Variants in THRAP3 observed in about 807,000 individuals in gnomAD.
THRAP3 encodes thyroid hormone receptor associated protein 3, also known as thyroid hormone receptor-associated protein 3.
In THRAP3, 16 loss-of-function variants were observed where a neutral mutation model predicts 101.0. The observed-to-expected ratio is 0.16, with a 90% confidence interval of 0.11 to 0.24. THRAP3 has a LOEUF of 0.24. THRAP3 is among the 10% of genes least tolerant of loss of function. The pLI, the probability that THRAP3 is intolerant of heterozygous loss-of-function variation, is 1.00. For missense variants in THRAP3, 989 were observed against 1,202.7 expected (o/e 0.82, Z 2.63); for synonymous variants, 407 against 422.6 (o/e 0.96, Z 0.45).
chr1:36,234,329 A>G (rs1645061547), intron 1 of THRAP3, among the ~76,000 whole-genome samples: 1 of 152,242 alleles, frequency 6.6e-6, no homozygotes, highest in South Asian at 2.1e-4. Flanking sequence ...ACATTTTGTG[A>G]AAGCCCTGGT....
At position 36,286,667 on chromosome 1, in the gene THRAP3, C is replaced by T. The variant is rs1645799032; in HGVS notation, c.437C>T (p.Ser146Phe). 1 of 1,614,204 alleles carries T rather than the reference C, an allele frequency of 6.2e-7. No individual in the cohort carries two copies. Among genetic ancestry groups the T allele is most frequent in the Non-Finnish European group, 8.5e-7 (1 of 1,180,034 alleles). Reference sequence around the variant, plus strand: ...AGGTCCAGGAGCCATTCTAGAAACTCTGATAAGTCGTCTTCTGACCGGTCA... The same window carrying T: ...AGGTCCAGGAGCCATTCTAGAAACTTTGATAAGTCGTCTTCTGACCGGTCA... ...SPRSRSHSRN[S>F]DKSSSDRSRR... Residue 146 changes from serine to phenylalanine, a missense_variant, in exon 4 of 12, where the codon TCT becomes TTT. By Grantham distance (155) the Ser-to-Phe change is radical. Transcript: ENST00000354618. The surrounding 1 kb of genome is among the most constrained non-coding windows in gnomAD (Gnocchi z 5.5).
At chr1:36,241,984 C>A in intron 1 of THRAP3, 1 of 172,318 alleles carries the variant, frequency 5.8e-6, no homozygotes. Context: ...GTAAGTAGAA[C>A]TTTAATGTTG....
rs966342365 is a variant in THRAP3 at position 36,304,743 on chromosome 1, G to C, written c.*726G>C. ...TGAGCCCTATTTCCTGATTTCTTCT[G>C]GGCTGGACTTCCCCGTTCTCCACCA... On this transcript the variant is annotated 3_prime_UTR_variant, in exon 12 of 12. Transcript: ENST00000354618. The C allele has an allele frequency of 7.9e-5, 17 of 215,280 alleles. 1 individual carries two copies. Among genetic ancestry groups the C allele is most frequent in the Admixed American group, 7.6e-4 (13 of 17,146 alleles). The allele number at this position is 215,280 out of a possible 1,614,324, so 13.3% of individuals were successfully genotyped here.
intron 4 of THRAP3, chr1:36,288,253 A>G (rs934873811): frequency 1.3e-6 from 1 of 749,932 alleles, no homozygotes; most frequent in African/African-American, 1.9e-5. Flanking sequence ...TGGTGCACCC[A>G]TCACCTGAGC....
chr1:36,289,165 C>A lies in THRAP3; in HGVS notation c.1146C>A (p.Gly382=). The A allele has an allele frequency of 6.2e-7, 1 of 1,613,972 alleles. No individual in the cohort carries two copies. The highest frequency in any genetic ancestry group is 8.5e-7 in the Non-Finnish European group (1 of 1,180,018). The part of the protein sequence containing the change: ...IKEKGSFSDT[G]LGDGKMKSDS... ...AGAAAGGGAGCTTCTCTGACACAGGCTTGGGTGATGGAAAAATGAAATCTG... is the reference window on the plus strand; with the variant it reads ...AGAAAGGGAGCTTCTCTGACACAGGATTGGGTGATGGAAAAATGAAATCTG... The change falls in exon 5 of 12, where the codon GGC becomes GGA. Residue 382 remains glycine (G), a synonymous_variant. Coordinates refer to ENST00000354618, the MANE Select transcript of THRAP3 (RefSeq NM_005119.4).
At chr1:36,220,805 A>G (rs1041894970), upstream of THRAP3, among the ~76,000 whole-genome samples, 1 of 151,562 alleles carries the variant, frequency 6.6e-6, no homozygotes, top group Non-Finnish European at 1.5e-5. Context: ...AACACAAAAA[A>G]TTATCTGGGT....
intron 7 of THRAP3, among the ~76,000 whole-genome samples, chr1:36,293,640 C>CTGTGAGTGTGTGTGTGTGTG (rs1645907175): frequency 7.5e-6 from 1 of 133,314 alleles, no homozygotes; most frequent in Non-Finnish European, 1.6e-5. Context: ...GAACCTGGGA[C>CTGTGAGTGTGTGTGTGTGTG]TGTGTGTGTG....
At chr1:36,288,075 A>G in intron 4 of THRAP3, 1 of 984,130 alleles carries the variant, frequency 1.0e-6, no homozygotes, top group Non-Finnish European at 1.2e-6. Flanking sequence ...CTTTGACTTG[A>G]TTAAGCTTTC....
intron 1 of THRAP3, chr1:36,224,849 T>G (rs1644942693): frequency 6.6e-6 from 1 of 152,382 alleles, no homozygotes; most frequent in Non-Finnish European, 1.5e-5. Flanking sequence ...TTTGGATTTC[T>G]TTTCCCGGAA....
At position 36,270,571 on chromosome 1, in the gene THRAP3, G is replaced by GGTTTTTTTTTTTTTTTTTTT. The variant is rs1553121666; in HGVS notation, c.-32+11087_-32+11088insGTTTTTTTTTTTTTTTTTTT. Among the ~76,000 whole-genome samples the GGTTTTTTTTTTTTTTTTTTT allele has an allele frequency of 4.7e-3, 149 of 31,866 alleles. 4 individuals are homozygous for GGTTTTTTTTTTTTTTTTTTT. The highest frequency in any genetic ancestry group is 0.01 in the African/African-American group (142 of 14,172). 20.9% of individuals were successfully genotyped at this position (31,866 alleles called of 152,430 possible). A position where few individuals can be genotyped will look rare whatever the true frequency, so the allele number is the denominator to read the frequency against. ...TAAAAATACAGTTCTATTTGTTTAG[G>GGTTTTTTTTTTTTTTTTTTT]TTTTTGTTTTTTTTTTTTTTTTTGA... On this transcript the variant is annotated intron_variant, in intron 2 of 11. Coordinates refer to ENST00000354618, the MANE Select transcript of THRAP3 (RefSeq NM_005119.4).
chr1:36,214,959 C>T, the THRAP3 span, among the ~76,000 whole-genome samples: 15 of 150,472 alleles, frequency 1.0e-4, no homozygotes, highest in Admixed American at 4.6e-4. Context: ...CGGTGGCTCA[C>T]GCCTGTAATC....
At chr1:36,226,502 A>G (rs1570213184) in intron 1 of THRAP3, among the ~76,000 whole-genome samples, 1 of 152,112 alleles carries the variant, frequency 6.6e-6, no homozygotes, top group African/African-American at 2.4e-5. Flanking sequence ...TCAGGGGATC[A>G]CCTGCCTCGG....
In THRAP3 at chr1:36,290,093, C is replaced by T. The variant is rs76178188; in HGVS notation, c.1745+329C>T. On this transcript the variant is annotated intron_variant, in intron 5 of 11. Coordinates refer to ENST00000354618, the MANE Select transcript of THRAP3 (RefSeq NM_005119.4). ...TGAAGCCATCCTGGATCCACTTCTT[C>T]GTTCCTAGCTGGGTTGCCAAAGTCT... 9.7e-3 allele frequency among the ~76,000 whole-genome samples: 1,470 copies of T among 152,254 alleles called. 16 individuals carry two copies. The highest frequency in any genetic ancestry group is 0.034 in the African/African-American group (1,407 of 41,534).
At chr1:36,244,549 C>T (rs1286735451) in intron 1 of THRAP3, among the ~76,000 whole-genome samples, 1 of 152,094 alleles carries the variant, frequency 6.6e-6, no homozygotes, top group African/African-American at 2.4e-5. Context: ...AGTTTTGAAA[C>T]CTTGATTCCT....
chr1:36,263,077 T>G (rs1286516500), intron 2 of THRAP3, among the ~76,000 whole-genome samples: 1 of 150,570 alleles, frequency 6.6e-6, no homozygotes, highest in African/African-American at 2.5e-5. Flanking sequence ...CCCAAAGTGT[T>G]GGGATTACAG....
intron 2 of THRAP3, among the ~76,000 whole-genome samples, chr1:36,259,746 A>G (rs1414346623): frequency 6.9e-6 from 1 of 144,806 alleles, no homozygotes. Flanking sequence ...AGCCTGGGTG[A>G]CAGCAAGACC....
At chr1:36,280,963 T>C (rs1266056351) in intron 2 of THRAP3, among the ~76,000 whole-genome samples, 1 of 151,558 alleles carries the variant, frequency 6.6e-6, no homozygotes, top group Non-Finnish European at 1.5e-5. Flanking sequence ...TTTGCTCTTG[T>C]CGTCCAGGCT....
intron 9 of THRAP3, among the ~76,000 whole-genome samples, chr1:36,298,010 G>T (rs1009436445): frequency 2.0e-4 from 30 of 151,434 alleles, no homozygotes; most frequent in Admixed American, 1.8e-3. Context: ...AGCCGGGCAT[G>T]GTGGCGTGCG....
chr1:36,237,302 T>C (rs1171020864), intron 1 of THRAP3, among the ~76,000 whole-genome samples: 1 of 151,452 alleles, frequency 6.6e-6, no homozygotes, highest in Admixed American at 6.6e-5. Flanking sequence ...ATCCTGTCTC[T>C]ACGTAAAATA....
Sources: gnomAD v4.1 joint callset for allele counts (sites outside exome capture counted in the v4.1 genomes callset) on GRCh38, gnomAD v4.1.1 for gene constraint, Gnocchi (gnomAD v3.1) non-coding constraint, MANE v1.5 for transcripts, NCBI Gene and HGNC (gene_info 2026-07-23, HGNC 2026-07-21) for gene names.